The following F5 variants were observed in gnomAD, a reference collection of about 807,000 sequenced individuals.
F5 encodes the protein coagulation factor V.
Under a neutral mutation model 216.4 loss-of-function variants are expected in F5, and 138 were observed. The ratio of observed to expected loss-of-function variants is 0.64; its 90% CI spans 0.56 to 0.73. The LOEUF (loss-of-function observed/expected upper bound fraction) is 0.73, where lower values mean the gene tolerates loss of function less well. Ranked by LOEUF, F5 falls within the 30% of genes least tolerant of loss-of-function variation. The pLI is 0.00. For missense variants in F5, 2,403 were observed against 2,674.0 expected (o/e 0.90, Z 2.24); for synonymous variants, 916 against 930.7 (o/e 0.98, Z 0.29).
intron 13 of F5, 95 bp from the exon 14 acceptor site, chr1:169,536,775 G>C: frequency 4.2e-6 from 4 of 959,484 alleles, no homozygotes; most frequent in Non-Finnish European, 6.5e-6. Flanking sequence ...ATCTAGCATA[G>C]AGAAGGTCTT....
intron 2 of F5, among the ~76,000 whole-genome samples, chr1:169,577,972 A>T (rs1189753939): frequency 1.3e-5 from 2 of 152,128 alleles, no homozygotes; most frequent in African/African-American, 2.4e-5. Flanking sequence ...AGATGAGTGG[A>T]GCAGGACATA....
Position 169,536,679 on chromosome 1 carries a change from C to T in F5, c.4798G>A (p.Glu1600Lys), listed in dbSNP as rs1485817895. The T allele has an allele frequency of 1.9e-6, 3 of 1,605,112 alleles. No individual in the cohort carries two copies. Residue 1600 changes from glutamate (E) to lysine (K), a missense_variant and splice_region_variant, in exon 14 of 25, where the codon GAA becomes AAA. Glu to Lys is a moderately conservative substitution (Grantham distance 56). Around this residue, in one of 4 missense-constraint regions of F5, gnomAD observed 659 missense variants for 787.9 expected, o/e 0.84. Transcript: ENST00000367797. Reference protein sequence around the residue: ...SWDYSEFVQRETDIEDSDDIP... With the variant: ...SWDYSEFVQRKTDIEDSDDIP... ...TCATCAGAGTCTTCAATATCTGTTT[C>T]CCTGAAATAATAATACTATTTGTGT...
In F5 at chr1:169,582,279, T is replaced by G. The variant is rs1661005944; in HGVS notation, c.250+152A>C. Reference sequence around the variant, plus strand: ...GGGGACTCACATTTTCATTTTGCACTGGGCCCCACATATTATGTAGCCAGT... The same window carrying G: ...GGGGACTCACATTTTCATTTTGCACGGGGCCCCACATATTATGTAGCCAGT... On this transcript the variant is annotated intron_variant, in intron 2 of 24. Transcript: ENST00000367797. 10 of 488,622 alleles carry G rather than the reference T, an allele frequency of 2.0e-5. No homozygotes were observed. In the South Asian group the frequency reaches 2.9e-4, roughly 14 times the overall value. 30.3% of individuals were successfully genotyped at this position (488,622 alleles called of 1,614,324 possible).
chr1:169,560,901 G>A, intron 3 of F5, 135 bp from the exon 4 acceptor site: 1 of 768,346 alleles, frequency 1.3e-6, no homozygotes, highest in East Asian at 2.7e-5. Flanking sequence ...TTTATTATTT[G>A]GAAAGATTCA....
rs1659944225 is a variant in F5 at position 169,544,305 on chromosome 1, C to T, written c.1966G>A (p.Asp656Asn). The change falls in exon 12 of 25, where the codon GAT becomes AAT. Residue 656 changes from aspartate to asparagine, a missense_variant. Asp to Asn is a conservative substitution (Grantham distance 23, BLOSUM62 1). Coordinates refer to ENST00000367797, the MANE Select transcript of F5 (RefSeq NM_000130.5). ...MRGESVTVTM[D>N]NVGTWMLTSM... Reference sequence around the variant, plus strand: ...CCAGACTCTTACTCACCAACATTATCCATTGTGACCGTCACAGATTCTCCA... The same window carrying T: ...CCAGACTCTTACTCACCAACATTATTCATTGTGACCGTCACAGATTCTCCA... 2 of 1,613,844 alleles carry T rather than the reference C, an allele frequency of 1.2e-6. No individual in the cohort carries two copies. The highest frequency in any genetic ancestry group is 1.7e-6 in the Non-Finnish European group (2 of 1,179,858).
chr1:169,559,227 T>C lies in F5; in HGVS notation c.656A>G (p.Asp219Gly). 6.2e-7 allele frequency: 1 copy of C among 1,613,842 alleles called. No individual in the cohort carries two copies. The highest frequency in any genetic ancestry group is 8.5e-7 in the Non-Finnish European group (1 of 1,179,806). The change falls in exon 5 of 25, where the codon GAT (aspartate) becomes GGT (glycine). Residue 219 changes from aspartate (D) to glycine (G), a missense_variant. Physicochemically the swap from Asp to Gly is moderately conservative, Grantham distance 94. Transcript: ENST00000367797. ...KQIVLLFAVF[D>G]ESKSWSQSSS... is the part of the protein sequence containing the mutation. ...TGACTGGCTCCAGCTCTTGCTTTCA[T>C]CAAACACAGCAAATAGTAGCACGAT...
rs1314106212 is a variant in F5 at position 169,512,342 on chromosome 1, G to A, written c.*1971C>T. Among the ~76,000 whole-genome samples, 1 of 151,898 alleles carries A rather than the reference G, an allele frequency of 6.6e-6. No individual in the cohort carries two copies. The highest frequency in any genetic ancestry group is 1.9e-4 in the East Asian group (1 of 5,150). On this transcript the variant is annotated 3_prime_UTR_variant, in exon 25 of 25. Coordinates refer to ENST00000367797, the MANE Select transcript of F5 (RefSeq NM_000130.5). ...CCCCATTATTTCATAAGATTTTCTT[G>A]CCCCTATTATGCCTTAGTAAATTCT...
rs191401257 is a variant in F5 at position 169,514,840 on chromosome 1, G to A, written c.6529-381C>T. On this transcript the variant is annotated intron_variant, in intron 24 of 24. Transcript: ENST00000367797. ...GAAAAATAAACAAGTCTCACATGGT[G>A]CTGTGGAGCAGCTGCAAAACCATTT... 3.6e-3 allele frequency among the ~76,000 whole-genome samples: 546 copies of A among 152,232 alleles called. 5 individuals are homozygous for A. The highest frequency in any genetic ancestry group is 4.0e-3 in the Non-Finnish European group (272 of 68,008).
intron 3 of F5, among the ~76,000 whole-genome samples, chr1:169,564,316 G>C (rs1267572102): frequency 1.3e-5 from 2 of 152,014 alleles, no homozygotes; most frequent in East Asian, 3.9e-4. Context: ...CTTTCTCTGT[G>C]ATTATACTGT....
chr1:169,536,481 T>G, intron 14 of F5, 25 bp downstream of exon 14: 1 of 1,607,520 alleles, frequency 6.2e-7, no homozygotes, highest in South Asian at 1.1e-5. Flanking sequence ...CCTCCGAAGA[T>G]CTTAGCAGTG....
At chr1:169,523,598 T>G (rs2101806806) in intron 20 of F5, among the ~76,000 whole-genome samples, 1 of 152,294 alleles carries the variant, frequency 6.6e-6, no homozygotes, top group Non-Finnish European at 1.5e-5. Context: ...GCCTTTTGTT[T>G]TTTAATCTAT....
intron 14 of F5, among the ~76,000 whole-genome samples, chr1:169,532,078 C>T (rs534523050): frequency 4.6e-5 from 7 of 152,262 alleles, no homozygotes; most frequent in East Asian, 3.9e-4. Flanking sequence ...ACCACATAAA[C>T]CGCATTAAAA....
chr1:169,552,274 C>A (rs557994256), intron 8 of F5, among the ~76,000 whole-genome samples: 1 of 152,318 alleles, frequency 6.6e-6, no homozygotes, highest in South Asian at 2.1e-4. Context: ...TACAGGGTCA[C>A]ATGGTATCTA....
At chr1:169,539,828 T>G (rs1253375465) in intron 13 of F5, among the ~76,000 whole-genome samples, 1 of 152,196 alleles carries the variant, frequency 6.6e-6, no homozygotes, top group Non-Finnish European at 1.5e-5. Flanking sequence ...TAAGCAAAAC[T>G]GAATTGTAAA....
intron 2 of F5, among the ~76,000 whole-genome samples, chr1:169,580,406 T>C (rs969722220): frequency 1.4e-4 from 21 of 151,498 alleles, no homozygotes; most frequent in Non-Finnish European, 1.3e-4. Flanking sequence ...TTTTTTGAGA[T>C]AGAGTTTCGC....
In F5 at chr1:169,523,858, A is replaced by G. The variant is rs764474317; in HGVS notation, c.5835T>C (p.Tyr1945=). The change falls in exon 20 of 25, where the codon TAT becomes TAC. Residue 1945 remains tyrosine, a synonymous_variant. Transcript: ENST00000367797. ...CAAGTTTTTCTACACTCCAAGCATT[A>G]TAAGATCCACCATTGTTTAATCTTG... The part of the protein sequence containing the change: ...RLARLNNGGS[Y]NAWSVEKLAA... 11 of 1,613,854 alleles carry G rather than the reference A, an allele frequency of 6.8e-6. No homozygotes were observed. In the Admixed American group the frequency reaches 1.7e-4, roughly 24 times the overall value.
intron 22 of F5, among the ~76,000 whole-genome samples, chr1:169,519,306 T>C (rs930185737): frequency 6.6e-6 from 1 of 152,092 alleles, no homozygotes; most frequent in Non-Finnish European, 1.5e-5. Flanking sequence ...ATCAAGAAAA[T>C]GAATAAGAAG....
At chr1:169,552,477 T>C in intron 8 of F5, 80 bp downstream of exon 8, 1 of 1,228,926 alleles carries the variant, frequency 8.1e-7, no homozygotes, top group Non-Finnish European at 1.2e-6. Context: ...TCTTTTTCTT[T>C]TAAAATTAAA....
At chr1:169,549,096 A>G (rs1217727608) in intron 10 of F5, among the ~76,000 whole-genome samples, 1 of 152,228 alleles carries the variant, frequency 6.6e-6, no homozygotes, top group African/African-American at 2.4e-5. Context: ...CCATATGTCC[A>G]GAAATTCATT....
Sources: gnomAD v4.1 joint callset for allele counts (sites outside exome capture counted in the v4.1 genomes callset) on GRCh38, gnomAD v4.1.1 for gene constraint, gnomAD v4.1.1 regional missense constraint, MANE v1.5 for transcripts, NCBI Gene and HGNC (gene_info 2026-07-23, HGNC 2026-07-21) for gene names.